Variants in CSGALNACT1 observed in about 807,000 individuals in gnomAD.
CSGALNACT1 encodes the protein beta4GalNAcT-1.
A neutral mutation model predicts 51.0 loss-of-function variants in CSGALNACT1; 52 were observed. That is an observed-to-expected ratio of 1.02 (90% CI 0.82 to 1.29). The LOEUF is 1.29. Ranked by LOEUF, CSGALNACT1 falls within the 50% of genes most tolerant of loss-of-function variation. The probability of loss-of-function intolerance (pLI) is 0.00; values close to 1 mark genes in which losing one functional copy is unlikely to be tolerated. For synonymous variants in CSGALNACT1, 341 were observed against 254.4 expected, an observed-to-expected ratio of 1.34 and a Z score of -3.24; for missense variants, 935 against 679.2, an observed-to-expected ratio of 1.38 and a Z score of -4.19.
chr8:19,517,471 C>T (rs2079785530), intron 3 of CSGALNACT1, among the ~76,000 whole-genome samples: 2 of 152,072 alleles, frequency 1.3e-5, no homozygotes, highest in South Asian at 4.1e-4. Flanking sequence ...AAGAGAATAT[C>T]TCTAGAAGGG....
intron 3 of CSGALNACT1, among the ~76,000 whole-genome samples, chr8:19,543,541 C>G (rs1251074241): frequency 6.6e-6 from 1 of 152,202 alleles, no homozygotes; most frequent in Non-Finnish European, 1.5e-5. Context: ...GGTTGCTACA[C>G]AGAGAATGCC....
intron 1 of CSGALNACT1, among the ~76,000 whole-genome samples, chr8:19,647,407 A>T (rs1428550387): frequency 6.6e-6 from 1 of 152,160 alleles, no homozygotes; most frequent in Non-Finnish European, 1.5e-5. Flanking sequence ...ACAGAGCAAG[A>T]TCCTCTCTCA....
chr8:19,725,617 C>T (rs76764285), intron 1 of CSGALNACT1, among the ~76,000 whole-genome samples: 17,078 of 151,642 alleles, frequency 0.11, 1,348 homozygotes, highest in East Asian at 0.36. Context: ...TAAAGACGGG[C>T]TTTCATCATG....
chr8:19,660,680 T>G lies in CSGALNACT1; in HGVS notation c.-544+21793A>C, dbSNP rs1158905466. ...ACACTCCCCTCTTACTCACAAAAGCTCCAGTTGTTACAGGCACATTCTCAG... is the reference window on the plus strand; with the variant it reads ...ACACTCCCCTCTTACTCACAAAAGCGCCAGTTGTTACAGGCACATTCTCAG... On this transcript the variant is annotated intron_variant, in intron 1 of 9. Transcript: ENST00000332246. Among the ~76,000 whole-genome samples, 5 of 151,940 alleles carry G rather than the reference T, an allele frequency of 3.3e-5. No individual in the cohort carries two copies. In the South Asian group the frequency reaches 1.0e-3, roughly 32 times the overall value.
At chr8:19,689,369 T>C (rs145414514) in intron 1 of CSGALNACT1, among the ~76,000 whole-genome samples, 26 of 152,272 alleles carry the variant, frequency 1.7e-4, no homozygotes, top group African/African-American at 4.8e-4. Flanking sequence ...TCAACAGCCT[T>C]TTGAGCAGCC....
In CSGALNACT1 at chr8:19,649,916, G is replaced by A. The variant is rs545779463; in HGVS notation, c.-544+32557C>T. Among the ~76,000 whole-genome samples the A allele has an allele frequency of 2.9e-5, 4 of 139,008 alleles. No homozygotes were observed. In the East Asian group the frequency reaches 7.3e-4, roughly 25 times the overall value. 91.2% of individuals were successfully genotyped at this position (139,008 alleles called of 152,430 possible). On this transcript the variant is annotated intron_variant, in intron 1 of 9. Transcript: ENST00000332246. The stretch of plus-strand genomic sequence containing the variant: ...ACAGAAAACCAGTAAAATTTTTCTG[G>A]TAGGGAATACATTCACCATAACATA...
intron 3 of CSGALNACT1, among the ~76,000 whole-genome samples, chr8:19,514,154 G>C (rs1476232342): frequency 6.6e-6 from 1 of 152,112 alleles, no homozygotes; most frequent in Non-Finnish European, 1.5e-5. Flanking sequence ...TATGCACTAA[G>C]AGGTGCTTGA....
In CSGALNACT1 at chr8:19,667,100, G is replaced by GGAGA. The variant is rs1554795236; in HGVS notation, c.-544+15372_-544+15373insTCTC. 3.7e-5 allele frequency among the ~76,000 whole-genome samples: 2 copies of GGAGA among 54,102 alleles called. 1 individual carries two copies. Among genetic ancestry groups the GGAGA allele is most frequent in the African/African-American group, 1.7e-4 (2 of 11,742 alleles). The allele number at this position is 54,102 out of a possible 152,430, so 35.5% of individuals were successfully genotyped here. ...GAAAGAAAGAAAGAAAGAAAGAAAG[G>GGAGA]GAAAGAAATCTCATCACAATATCAA... is the stretch of plus-strand genomic sequence containing the variant. On this transcript the variant is annotated intron_variant, in intron 1 of 9. Coordinates refer to the CSGALNACT1 transcript ENST00000332246.
At chr8:19,684,097 C>G (rs949952004), upstream of CSGALNACT1, among the ~76,000 whole-genome samples, 4 of 151,904 alleles carry the variant, frequency 2.6e-5, no homozygotes, top group African/African-American at 9.7e-5. Flanking sequence ...GCCTGGGAGG[C>G]GGAGATTGCA....
rs544805584 is a variant in CSGALNACT1 at position 19,708,929 on chromosome 8, G to A, written c.-297+48921C>T. Among the ~76,000 whole-genome samples, 83 of 152,254 alleles carry A rather than the reference G, an allele frequency of 5.5e-4. 1 individual carries two copies. Among genetic ancestry groups the A allele is most frequent in the South Asian group, 8.3e-4 (4 of 4,822 alleles). ...ATGTACCACATATGTGGACTTGCAC[G>A]TGTCATTTAACTGCTCAGAGCCTGT... On this transcript the variant is annotated intron_variant, in intron 1 of 1. Coordinates refer to the CSGALNACT1 transcript ENST00000517494.
At chr8:19,488,607 A>G (rs904129700) in intron 4 of CSGALNACT1, among the ~76,000 whole-genome samples, 3 of 152,090 alleles carry the variant, frequency 2.0e-5, no homozygotes, top group Non-Finnish European at 4.4e-5. Flanking sequence ...GAAGGAGTGT[A>G]AACAATTTCT....
In CSGALNACT1 at chr8:19,431,668, C is replaced by G. The variant is rs559307358; in HGVS notation, c.953+8162G>C. ...GTCTGGTTAGGTTATCAGGGTAATG[C>G]TGGCTTCAAAGAGTAAGTTGGAAAG... On this transcript the variant is annotated intron_variant, in intron 6 of 9. Transcript: ENST00000454498. Among the ~76,000 whole-genome samples, 7 of 152,138 alleles carry G rather than the reference C, an allele frequency of 4.6e-5. No individual in the cohort carries two copies. The South Asian group carries it at 1.5e-3, about 32-fold the overall frequency.
At chr8:19,629,818 A>G (rs796909706) in intron 1 of CSGALNACT1, among the ~76,000 whole-genome samples, 1 of 152,212 alleles carries the variant, frequency 6.6e-6, no homozygotes. Context: ...CTTCTAATGT[A>G]TCATTCTCTC....
At chr8:19,560,267 G>A (rs975532390) in intron 3 of CSGALNACT1, among the ~76,000 whole-genome samples, 7 of 152,102 alleles carry the variant, frequency 4.6e-5, no homozygotes, top group African/African-American at 1.7e-4. Flanking sequence ...CTTAAAGACT[G>A]CAAGATTAAA....
At chr8:19,558,407 T>G (rs1460428078) in intron 3 of CSGALNACT1, among the ~76,000 whole-genome samples, 2 of 152,084 alleles carry the variant, frequency 1.3e-5, no homozygotes, top group African/African-American at 2.4e-5. Flanking sequence ...TTTTAGAAAC[T>G]TCTTCTTTAC....
rs540205765 is a variant in CSGALNACT1 at position 19,623,062 on chromosome 8, T to C, written c.-543-21197A>G. On this transcript the variant is annotated intron_variant, in intron 1 of 9. Coordinates refer to the CSGALNACT1 transcript ENST00000332246. Reference sequence around the variant, plus strand: ...ATGTATCCCAGAACTTAAAGTAAAGTAAATAAAAAAGAGGCATACCTTCAA... The same window carrying C: ...ATGTATCCCAGAACTTAAAGTAAAGCAAATAAAAAAGAGGCATACCTTCAA... 3.4e-4 allele frequency among the ~76,000 whole-genome samples: 52 copies of C among 152,064 alleles called. No individual in the cohort carries two copies. The South Asian group carries it at 0.01, about 30-fold the overall frequency.
At chr8:19,509,786 TTA>T (rs1779932094) in intron 3 of CSGALNACT1, among the ~76,000 whole-genome samples, 1 of 152,078 alleles carries the variant, frequency 6.6e-6, no homozygotes, top group African/African-American at 2.4e-5. Flanking sequence ...GAGTTAAAAT[TTA>T]TATGTTCACA....
At chr8:19,658,119 A>AGG (rs1365658413) in intron 1 of CSGALNACT1, among the ~76,000 whole-genome samples, 1 of 150,566 alleles carries the variant, frequency 6.6e-6, no homozygotes, top group Non-Finnish European at 1.5e-5. Context: ...AATGTGATAG[A>AGG]TTTGGAGATG....
chr8:19,500,978 G>A (rs750540281), intron 4 of CSGALNACT1, among the ~76,000 whole-genome samples: 5 of 152,126 alleles, frequency 3.3e-5, no homozygotes, highest in Non-Finnish European at 5.9e-5. Context: ...GGCCGGGCAC[G>A]GTGGCTCACG....
Sources: allele counts gnomAD v4.1 joint callset (sites outside exome capture counted in the v4.1 genomes callset), GRCh38; gene constraint gnomAD v4.1.1; transcripts MANE v1.5; gene names NCBI Gene and HGNC (gene_info 2026-07-23, HGNC 2026-07-21).